Variants in TOGARAM1 observed in about 807,000 individuals in gnomAD.
TOGARAM1 encodes the protein TOG array regulator of axonemal microtubules 1.
TOGARAM1 carries 100 observed loss-of-function variants against 166.6 expected under a neutral mutation model. That is an observed-to-expected ratio of 0.60 (90% CI 0.51 to 0.71). TOGARAM1 has a LOEUF of 0.71. Among genes scored for constraint, TOGARAM1 ranks in the 30% least tolerant of loss-of-function variants. TOGARAM1 has a pLI of 0.00. For missense variants in TOGARAM1, 2,029 were observed against 2,102.7 expected, an observed-to-expected ratio of 0.96 and a Z score of 0.69; for synonymous variants, 758 against 763.8, an observed-to-expected ratio of 0.99 and a Z score of 0.13.
chr14:45,016,684 A>G (rs935622222), intron 7 of TOGARAM1, among the ~76,000 whole-genome samples: 3 of 152,146 alleles, frequency 2.0e-5, no homozygotes, highest in Admixed American at 1.3e-4. Flanking sequence ...GATGCGATTC[A>G]CCATACCTGG....
intron 5 of TOGARAM1, 81 bp from the exon 6 acceptor site, chr14:45,008,832 A>C: frequency 9.0e-7 from 1 of 1,108,938 alleles, no homozygotes; most frequent in Non-Finnish European, 1.3e-6. Context: ...GGTATAGCTA[A>C]TGGAGTTTAA....
intron 18 of TOGARAM1, among the ~76,000 whole-genome samples, chr14:45,071,077 ACGCCCAG>A (rs1263965844): frequency 6.6e-6 from 1 of 151,862 alleles, no homozygotes. Flanking sequence ...ACGCACCACC[ACGCCCAG>A]CTAATTTTTG....
intron 1 of TOGARAM1, among the ~76,000 whole-genome samples, chr14:44,971,397 A>G (rs1215288489): frequency 6.6e-6 from 1 of 152,052 alleles, no homozygotes; most frequent in Admixed American, 6.6e-5. Context: ...ATTTGTAGTG[A>G]TAGTCTGTCT....
At chr14:45,069,395 A>T (rs1165071767) in intron 18 of TOGARAM1, among the ~76,000 whole-genome samples, 1 of 151,742 alleles carries the variant, frequency 6.6e-6, no homozygotes, top group African/African-American at 2.4e-5. Context: ...TTAAAAAAAA[A>T]TAGATAAAGG....
chr14:44,981,363 G>C (rs1225633958), intron 1 of TOGARAM1, among the ~76,000 whole-genome samples: 1 of 152,180 alleles, frequency 6.6e-6, no homozygotes, highest in Non-Finnish European at 1.5e-5. Flanking sequence ...GAGAATAGCA[G>C]TAGGAGATAT....
rs1444008772 is a variant in TOGARAM1 at position 44,964,438 on chromosome 14, C to G, written c.2017C>G (p.Gln673Glu). ...NEQPGIMGENQTSTSKDIEQF... is the reference protein window; with the variant it reads ...NEQPGIMGENETSTSKDIEQF... ...GCAACCTGGAATCATGGGAGAAAAC[C>G]AGACCTCCACTTCCAAGGATATAGA... The change falls in exon 1 of 20, where the codon CAG becomes GAG. Residue 673 changes from glutamine to glutamate, a missense_variant. This residue lies in a region of TOGARAM1 where 1,453 missense variants were observed against 1,432.2 expected (regional missense o/e 1.01). Coordinates refer to ENST00000361462, the MANE Select transcript of TOGARAM1 (RefSeq NM_001308120.2). The G allele has an allele frequency of 6.3e-7, 1 of 1,595,870 alleles. No homozygotes were observed. The highest frequency in any genetic ancestry group is 1.7e-5 in the Admixed American group (1 of 57,856).
chr14:45,046,419 G>C, intron 13 of TOGARAM1, 126 bp from the exon 14 acceptor site: 2 of 746,490 alleles, frequency 2.7e-6, no homozygotes, highest in Non-Finnish European at 3.7e-6. Context: ...CTCAGTGACA[G>C]AGCAAGACCC....
intron 1 of TOGARAM1, among the ~76,000 whole-genome samples, chr14:44,994,484 T>G (rs932943457): frequency 6.6e-6 from 1 of 151,960 alleles, no homozygotes; most frequent in Non-Finnish European, 1.5e-5. Context: ...AGTGGCACAA[T>G]ATCAGCCCAC....
At chr14:45,036,675 C>A (rs915344630) in intron 11 of TOGARAM1, among the ~76,000 whole-genome samples, 1 of 152,234 alleles carries the variant, frequency 6.6e-6, no homozygotes, top group African/African-American at 2.4e-5. Context: ...GTTAACTCAG[C>A]TCTTTGCTCA....
intron 1 of TOGARAM1, among the ~76,000 whole-genome samples, chr14:44,987,668 T>G (rs1886906060): frequency 6.7e-6 from 1 of 149,840 alleles, no homozygotes; most frequent in Non-Finnish European, 1.5e-5. Flanking sequence ...GACTGTAAAC[T>G]AGTTCAACCA....
intron 10 of TOGARAM1, among the ~76,000 whole-genome samples, chr14:45,031,342 C>T (rs189403881): frequency 6.6e-6 from 1 of 152,176 alleles, no homozygotes; most frequent in African/African-American, 2.4e-5. Flanking sequence ...CCTGAGCACT[C>T]AAAGAGGATG....
chr14:44,977,250 T>TA (rs1886246564), intron 1 of TOGARAM1, among the ~76,000 whole-genome samples: 1 of 150,028 alleles, frequency 6.7e-6, no homozygotes, highest in Admixed American at 6.6e-5. Context: ...TTTTTTTTTT[T>TA]TTGAGATGGA....
Position 44,962,396 on chromosome 14 carries a change from C to A in TOGARAM1, c.-26C>A. The stretch of plus-strand genomic sequence containing the variant: ...CTTTGGAGACGGCAATGGTTTCTTC[C>A]AACCACCACCACCTGACAACCCTGC... On this transcript the variant is annotated 5_prime_UTR_variant, in exon 1 of 20. Transcript: ENST00000361462. 1 of 1,518,028 alleles carries A rather than the reference C, an allele frequency of 6.6e-7. No individual in the cohort carries two copies. The highest frequency in any genetic ancestry group is 1.3e-5 in the South Asian group (1 of 76,564). The allele number at this position is 1,518,028 out of a possible 1,614,324, so 94.0% of individuals were successfully genotyped here.
intron 1 of TOGARAM1, among the ~76,000 whole-genome samples, chr14:44,970,147 A>C (rs755872461): frequency 1.3e-5 from 2 of 152,198 alleles, no homozygotes. Flanking sequence ...ACAGCTTGAC[A>C]ATATTGAGTC....
intron 3 of TOGARAM1, among the ~76,000 whole-genome samples, chr14:45,002,454 T>TA (rs1887731601): frequency 6.6e-6 from 1 of 152,184 alleles, no homozygotes; most frequent in South Asian, 2.1e-4. Flanking sequence ...TTCTAGAATT[T>TA]AACTTAATAC....
intron 10 of TOGARAM1, among the ~76,000 whole-genome samples, chr14:45,030,351 G>C (rs1052314244): frequency 6.6e-6 from 1 of 151,978 alleles, no homozygotes; most frequent in African/African-American, 2.4e-5. Context: ...ATATATTAAG[G>C]GAATTCTTAA....
chr14:45,048,358 T>A (rs1460237193), intron 14 of TOGARAM1, among the ~76,000 whole-genome samples: 1 of 150,536 alleles, frequency 6.6e-6, no homozygotes, highest in Non-Finnish European at 1.5e-5. Context: ...TAAAAGAATC[T>A]GAGTCATAAA....
At chr14:45,020,950 A>G (rs1880464865) in intron 7 of TOGARAM1, among the ~76,000 whole-genome samples, 2 of 152,174 alleles carry the variant, frequency 1.3e-5, no homozygotes, top group Admixed American at 6.5e-5. Flanking sequence ...AACAGTTAGT[A>G]GGGTTTTGGG....
intron 14 of TOGARAM1, among the ~76,000 whole-genome samples, chr14:45,048,217 C>T (rs1421656149): frequency 2.7e-5 from 4 of 146,708 alleles, no homozygotes; most frequent in African/African-American, 7.6e-5. Flanking sequence ...CCGGGCATGG[C>T]GGCATGCGCC....
Sources: allele counts gnomAD v4.1 joint callset (sites outside exome capture counted in the v4.1 genomes callset), GRCh38; gene constraint gnomAD v4.1.1; regional missense constraint gnomAD v4.1.1; transcripts MANE v1.5; gene names NCBI Gene and HGNC (gene_info 2026-07-23, HGNC 2026-07-21).